GALNT11: variants seen among roughly 807,000 people sequenced by gnomAD.
GALNT11 encodes the protein polypeptide N-acetylgalactosaminyltransferase 11.
GALNT11 carries 47 observed loss-of-function variants against 72.7 expected under a neutral mutation model. The observed-to-expected ratio is 0.65, with a 90% CI of 0.51 to 0.82. The LOEUF (loss-of-function observed/expected upper bound fraction) is 0.82, where lower values mean the gene tolerates loss of function less well. Among genes scored for constraint, GALNT11 ranks in the 40% least tolerant of loss-of-function variants. The pLI is 0.00. For missense variants in GALNT11, 677 were observed against 778.4 expected, an observed-to-expected ratio of 0.87 and a Z score of 1.55; for synonymous variants, 270 against 286.6, an observed-to-expected ratio of 0.94 and a Z score of 0.58.
intron 1 of GALNT11, among the ~76,000 whole-genome samples, chr7:152,028,786 TG>T (rs1321393601): frequency 6.6e-6 from 1 of 152,152 alleles, no homozygotes; most frequent in Non-Finnish European, 1.5e-5. Flanking sequence ...GCAATTGTAG[TG>T]TCCTCCAGAG....
chr7:152,075,024 G>A (rs1387043262), intron 1 of GALNT11: 1 of 152,184 alleles, frequency 6.6e-6, no homozygotes, highest in African/African-American at 2.4e-5. Context: ...ATCTCTCTGG[G>A]ATCTTTTACC....
intron 1 of GALNT11, among the ~76,000 whole-genome samples, chr7:152,092,822 ATGGTTTCTC>A (rs1247503268): frequency 6.6e-6 from 1 of 152,220 alleles, no homozygotes; most frequent in Non-Finnish European, 1.5e-5. Flanking sequence ...CATTGCTTAT[ATGGTTTCTC>A]TGCCATAAGT....
rs373220186 is a variant in GALNT11, at chr7:152,104,549, TG to T, written c.587-695del. 3.6e-3 allele frequency: 552 copies of T among 152,308 alleles called. 4 individuals carry two copies. Among genetic ancestry groups the T allele is most frequent in the African/African-American group, 0.013 (530 of 41,550 alleles). 9.4% of individuals were successfully genotyped at this position (152,308 alleles called of 1,614,324 possible). ...ATTTCTAGAATTTATGGTTGGTTTT[TG>T]TTTTTTTTTAAGTCAACTTGTATTT... On this transcript the variant is annotated intron_variant, in intron 4 of 11. Coordinates refer to ENST00000430044, the MANE Select transcript of GALNT11 (RefSeq NM_022087.4).
At chr7:152,072,615 G>A (rs1384489900) in intron 1 of GALNT11, among the ~76,000 whole-genome samples, 1 of 152,146 alleles carries the variant, frequency 6.6e-6, no homozygotes, top group African/African-American at 2.4e-5. Flanking sequence ...GTCCCAGCTT[G>A]CAGCCTCCTC....
At chr7:152,039,065 A>G (rs1280540204) in intron 1 of GALNT11, among the ~76,000 whole-genome samples, 1 of 152,168 alleles carries the variant, frequency 6.6e-6, no homozygotes, top group Non-Finnish European at 1.5e-5. Context: ...TCCAGATAAT[A>G]GGAACTCTTG....
At chr7:152,093,385 T>G (rs1250100991) in intron 1 of GALNT11, among the ~76,000 whole-genome samples, 1 of 152,000 alleles carries the variant, frequency 6.6e-6, no homozygotes, top group Non-Finnish European at 1.5e-5. Flanking sequence ...AGGCATAACC[T>G]TTGATTGGAA....
At chr7:152,115,779 G>A (rs1000883143) in intron 8 of GALNT11, among the ~76,000 whole-genome samples, 25 of 152,176 alleles carry the variant, frequency 1.6e-4, no homozygotes, top group African/African-American at 5.6e-4. Context: ...TTACTTGGCC[G>A]GGTGCGGTGG....
chr7:152,032,161 A>G (rs2082332843), intron 1 of GALNT11, among the ~76,000 whole-genome samples: 1 of 152,176 alleles, frequency 6.6e-6, no homozygotes, highest in South Asian at 2.1e-4. Context: ...AATCATCCAC[A>G]TACTGAAGGA....
At chr7:152,075,820 G>A (rs190385385) in intron 1 of GALNT11, among the ~76,000 whole-genome samples, 3,280 of 150,192 alleles carry the variant, frequency 0.022, 65 homozygotes, top group Non-Finnish European at 0.033. Flanking sequence ...AAGACACTTT[G>A]GGAGGCCGAG....
chr7:152,113,974 G>A (rs2088568688), intron 8 of GALNT11, among the ~76,000 whole-genome samples: 3 of 151,298 alleles, frequency 2.0e-5, no homozygotes, highest in Non-Finnish European at 4.4e-5. Context: ...GTGTTGCCCA[G>A]GCTGGTCTTG....
At chr7:152,046,509 T>G (rs1327309450) in intron 1 of GALNT11, among the ~76,000 whole-genome samples, 2 of 152,200 alleles carry the variant, frequency 1.3e-5, no homozygotes, top group Admixed American at 6.5e-5. Context: ...TATTCACAGT[T>G]GTTATAGTCT....
chr7:152,092,865 T>G (rs919687801), intron 1 of GALNT11, among the ~76,000 whole-genome samples: 2 of 152,240 alleles, frequency 1.3e-5, no homozygotes, highest in Non-Finnish European at 2.9e-5. Flanking sequence ...TGATTTTATA[T>G]GTGCATTGGG....
At chr7:152,029,120 A>G (rs1291998381) in intron 1 of GALNT11, among the ~76,000 whole-genome samples, 1 of 152,124 alleles carries the variant, frequency 6.6e-6, no homozygotes, top group East Asian at 1.9e-4. Context: ...CTGACTGGTT[A>G]GTGTAAAAAC....
At chr7:152,091,018 G>A (rs1412416256) in intron 1 of GALNT11, among the ~76,000 whole-genome samples, 1 of 151,864 alleles carries the variant, frequency 6.6e-6, no homozygotes, top group Non-Finnish European at 1.5e-5. Flanking sequence ...GAGGAGTCAG[G>A]GTTGTGGTTG....
Position 152,113,376 on chromosome 7 carries a change from A to G in GALNT11, c.1211A>G (p.His404Arg), listed in dbSNP as rs770994777. 3.3e-5 allele frequency: 53 copies of G among 1,613,760 alleles called. No individual in the cohort carries two copies. Among genetic ancestry groups the G allele is most frequent in the East Asian group, 4.5e-5 (2 of 44,876 alleles). Residue 404 changes from histidine (H) to arginine (R), a missense_variant, in exon 8 of 12, where the codon CAT (histidine) becomes CGT (arginine). Coordinates refer to ENST00000430044, the MANE Select transcript of GALNT11 (RefSeq NM_022087.4). ...ACACACAACTCTTTGCGGCTGGCAC[A>G]TGTCTGGTTGGATGAATACAAGGTG... Reference protein sequence around the residue: ...TMTHNSLRLAHVWLDEYKEQY... With the variant: ...TMTHNSLRLARVWLDEYKEQY...
intron 1 of GALNT11, among the ~76,000 whole-genome samples, chr7:152,056,840 CT>C (rs879790717): frequency 2.0e-3 from 286 of 142,656 alleles, no homozygotes; most frequent in Admixed American, 2.0e-3. Flanking sequence ...GGGTCAGATA[CT>C]TTTTTTTTTT....
chr7:152,034,101 A>G (rs7791153), intron 1 of GALNT11, among the ~76,000 whole-genome samples: 13,144 of 152,214 alleles, frequency 0.086, 1,953 homozygotes, highest in African/African-American at 0.3. Context: ...CCCTCTCCCT[A>G]CAACTTGAAG....
chr7:152,083,657 C>A (rs2085452692), intron 1 of GALNT11, among the ~76,000 whole-genome samples: 2 of 152,070 alleles, frequency 1.3e-5, no homozygotes, highest in African/African-American at 4.8e-5. Context: ...GTTTACCTGG[C>A]TATTCCCTGC....
chr7:152,034,050 A>G (rs542420000), intron 1 of GALNT11, among the ~76,000 whole-genome samples: 1 of 152,336 alleles, frequency 6.6e-6, no homozygotes, highest in East Asian at 1.9e-4. Context: ...GCTTTAAATC[A>G]GAGAGGGAGA....
Sources: allele counts gnomAD v4.1 joint callset (sites outside exome capture counted in the v4.1 genomes callset), GRCh38; gene constraint gnomAD v4.1.1; transcripts MANE v1.5; gene names NCBI Gene and HGNC (gene_info 2026-07-23, HGNC 2026-07-21).